Variants in ATR observed in about 807,000 individuals in gnomAD.
ATR encodes serine/threonine-protein kinase ATR.
ATR carries 142 observed loss-of-function variants against 305.3 expected under a neutral mutation model. The observed-to-expected ratio is 0.47, with a 90% confidence interval of 0.41 to 0.53. The LOEUF (loss-of-function observed/expected upper bound fraction) is 0.53, where lower values mean the gene tolerates loss of function less well. ATR is among the 20% of genes least tolerant of loss of function. ATR has a pLI of 0.00. For synonymous variants in ATR, 1,050 were observed against 1,068.1 expected (o/e 0.98, Z 0.33); for missense variants, 2,135 against 3,133.1 (o/e 0.68, Z 7.60).
At chr3:142,491,551 GA>G (rs1277381638) in intron 35 of ATR, among the ~76,000 whole-genome samples, 38 of 152,186 alleles carry the variant, frequency 2.5e-4, no homozygotes, top group African/African-American at 9.2e-4. Context: ...TTACATACTA[GA>G]ATAAATTCAG....
intron 36 of ATR, among the ~76,000 whole-genome samples, chr3:142,477,070 G>A (rs2029889578): frequency 6.6e-6 from 1 of 152,008 alleles, no homozygotes; most frequent in Admixed American, 6.6e-5. Context: ...TCTTTTCCTA[G>A]TTGAATGCCC....
chr3:142,517,629 GA>G (rs1185154854), intron 24 of ATR, among the ~76,000 whole-genome samples: 7 of 152,146 alleles, frequency 4.6e-5, no homozygotes, highest in African/African-American at 1.7e-4. Flanking sequence ...CATCATTGAG[GA>G]ACCATTCGAG....
intron 21 of ATR, among the ~76,000 whole-genome samples, chr3:142,530,722 TTTC>T (rs1361855108): frequency 6.6e-6 from 1 of 152,196 alleles, no homozygotes; most frequent in East Asian, 1.9e-4. Flanking sequence ...TCCCTCTTAC[TTTC>T]TTCTTTCTGT....
At chr3:142,553,772 TTTTTAGAGC>T in intron 11 of ATR, 32 bp from the exon 12 acceptor site, 4 of 1,610,028 alleles carry the variant, frequency 2.5e-6, no homozygotes, top group Non-Finnish European at 3.4e-6. Context: ...GTTAAAGAAA[TTTTTAGAGC>T]TAGGTTGACG....
chr3:142,526,357 G>A (rs2033387480), intron 21 of ATR, among the ~76,000 whole-genome samples: 1 of 151,908 alleles, frequency 6.6e-6, no homozygotes, highest in Non-Finnish European at 1.5e-5. Flanking sequence ...TGTAAATATA[G>A]TTTTACATCT....
At position 142,566,327 on chromosome 3, in the gene ATR, C is replaced by T. The variant is rs534823668; in HGVS notation, c.152-66G>A. 246 of 1,568,998 alleles carry T rather than the reference C, an allele frequency of 1.6e-4. 1 individual carries two copies. The South Asian group carries it at 2.7e-3, about 18-fold the overall frequency. ...AAACAATGGTCCTTTTGTTAAGAAACCAGACTGTGGGCCAGGCAAGGTGCC... is the reference window on the plus strand; with the variant it reads ...AAACAATGGTCCTTTTGTTAAGAAATCAGACTGTGGGCCAGGCAAGGTGCC... On this transcript the variant is annotated intron_variant, in intron 2 of 46. Coordinates refer to ENST00000350721, the MANE Select transcript of ATR (RefSeq NM_001184.4).
At chr3:142,560,827 T>C (rs2034854289) in intron 5 of ATR, among the ~76,000 whole-genome samples, 1 of 152,236 alleles carries the variant, frequency 6.6e-6, no homozygotes, top group South Asian at 2.1e-4. Flanking sequence ...CCCAAAGTGC[T>C]GGGATTACAG....
intron 15 of ATR, 28 bp from the exon 16 acceptor site, chr3:142,547,938 T>A: frequency 1.2e-6 from 2 of 1,607,300 alleles, no homozygotes; most frequent in South Asian, 2.2e-5. Context: ...TAAAAAAAAT[T>A]TTTTTCTTCA....
chr3:142,542,842 T>G (rs1175217925), intron 16 of ATR, 85 bp from the exon 17 acceptor site: 7 of 1,140,138 alleles, frequency 6.1e-6, no homozygotes, highest in Non-Finnish European at 7.7e-6. Flanking sequence ...TTAATGTCAT[T>G]TATATTTTAC....
At chr3:142,564,328 C>T (rs1050238633) in intron 3 of ATR, among the ~76,000 whole-genome samples, 2 of 151,490 alleles carry the variant, frequency 1.3e-5, no homozygotes, top group African/African-American at 4.8e-5. Flanking sequence ...GTCAGACAGG[C>T]AAGGTCCTAG....
At chr3:142,487,125 C>T (rs1559930481) in intron 35 of ATR, among the ~76,000 whole-genome samples, 1 of 152,034 alleles carries the variant, frequency 6.6e-6, no homozygotes, top group East Asian at 1.9e-4. Context: ...GAGCGAGACA[C>T]CATCTCCAAA....
chr3:142,519,809 T>G (rs2033064648), intron 23 of ATR, 25 bp from the exon 24 acceptor site: 2 of 1,503,914 alleles, frequency 1.3e-6, no homozygotes, highest in Non-Finnish European at 1.9e-6. Flanking sequence ...TTTACATTTG[T>G]AAGTCCACAG....
intron 36 of ATR, among the ~76,000 whole-genome samples, chr3:142,472,543 C>T (rs372833770): frequency 6.6e-6 from 1 of 152,036 alleles, no homozygotes; most frequent in Admixed American, 6.6e-5. Flanking sequence ...TTTTTATATA[C>T]CTCTGTTGGT....
chr3:142,493,677 G>A (rs2031419596), intron 34 of ATR, among the ~76,000 whole-genome samples: 1 of 152,088 alleles, frequency 6.6e-6, no homozygotes, highest in Non-Finnish European at 1.5e-5. Flanking sequence ...ATACTAGCCT[G>A]GGCAACATAG....
intron 21 of ATR, among the ~76,000 whole-genome samples, chr3:142,532,411 A>C (rs908654537): frequency 6.6e-6 from 1 of 152,212 alleles, no homozygotes; most frequent in Admixed American, 6.5e-5. Flanking sequence ...TTCAGAAACC[A>C]ATTATATGGT....
At chr3:142,560,727 A>AT (rs1227212745) in intron 5 of ATR, among the ~76,000 whole-genome samples, 8 of 151,900 alleles carry the variant, frequency 5.3e-5, no homozygotes, top group Non-Finnish European at 2.9e-5. Context: ...CGCTTGGCTA[A>AT]TTTTTTGTAT....
rs879812793 is a variant in ATR, at chr3:142,566,448, G to A, written c.152-187C>T. ...AGCCTGGATAAGATGTCAAGATCCC[G>A]TCTCTACAAAAAAAATTTTTCTTAA... On this transcript the variant is annotated intron_variant, in intron 2 of 46. Transcript: ENST00000350721. Among the ~76,000 whole-genome samples the A allele has an allele frequency of 6.6e-5, 10 of 151,962 alleles. No homozygotes were observed. In the East Asian group the frequency reaches 7.8e-4, roughly 12 times the overall value.
chr3:142,555,710 C>T (rs7641919), intron 10 of ATR, among the ~76,000 whole-genome samples, 167 bp downstream of exon 10: 70 of 152,154 alleles, frequency 4.6e-4, no homozygotes, highest in African/African-American at 1.6e-3. Flanking sequence ...TTTTGTGATG[C>T]GATCTAATAC....
At chr3:142,560,172 A>T in intron 6 of ATR, 91 bp downstream of exon 6, 18 of 1,286,990 alleles carry the variant, frequency 1.4e-5, no homozygotes, top group Non-Finnish European at 2.0e-5. Flanking sequence ...TTGTGTTCTA[A>T]GGTTACATGA....
Sources: allele counts gnomAD v4.1 joint callset (sites outside exome capture counted in the v4.1 genomes callset), GRCh38; gene constraint gnomAD v4.1.1; transcripts MANE v1.5; gene names NCBI Gene and HGNC (gene_info 2026-07-23, HGNC 2026-07-21).